Variants in EHMT2 observed in about 807,000 individuals in gnomAD.
EHMT2 encodes euchromatic histone lysine methyltransferase 2, also known as histone-lysine N-methyltransferase EHMT2.
EHMT2 carries 59 observed loss-of-function variants against 143.3 expected under a neutral mutation model. The ratio of observed to expected loss-of-function variants is 0.41; its 90% CI spans 0.33 to 0.51. The LOEUF (loss-of-function observed/expected upper bound fraction) is 0.51, where lower values mean the gene tolerates loss of function less well. Among genes scored for constraint, EHMT2 ranks in the 20% least tolerant of loss-of-function variants. The probability of loss-of-function intolerance (pLI) is 0.18; values close to 1 mark genes in which losing one functional copy is unlikely to be tolerated. For missense variants in EHMT2, 1,174 were observed against 1,645.9 expected (o/e 0.71, Z 4.96); for synonymous variants, 604 against 651.5 (o/e 0.93, Z 1.11).
rs1023382831 is a variant in EHMT2, at chr6:31,881,341, C to T, written c.3198-249G>A. On this transcript the variant is annotated intron_variant, in intron 25 of 27. Coordinates refer to ENST00000375537, the Ensembl canonical transcript of EHMT2. This position sits in a 1 kb window ranked among gnomAD's most constrained non-coding sequence, Gnocchi z 4.8. Reference sequence around the variant, plus strand: ...GGTTAAGGGGATTAATGTGTAGGGGCAGTTGGCCTGGGTGGGGAAGTTCGG... The same window carrying T: ...GGTTAAGGGGATTAATGTGTAGGGGTAGTTGGCCTGGGTGGGGAAGTTCGG... 14 of 585,274 alleles carry T rather than the reference C, an allele frequency of 2.4e-5. No homozygotes were observed. The highest frequency in any genetic ancestry group is 2.1e-4 in the African/African-American group (11 of 53,580). The allele number at this position is 585,274 out of a possible 1,614,324, so 36.3% of individuals were successfully genotyped here.
chr6:31,890,552 A>C (rs1375543499), intron 7 of EHMT2, among the ~76,000 whole-genome samples: 1 of 146,280 alleles, frequency 6.8e-6, no homozygotes, highest in Non-Finnish European at 1.5e-5. Flanking sequence ...CGCCTGGGCC[A>C]AAAAATTTTT....
chr6:31,888,848 C>T lies in EHMT2; in HGVS notation c.1217-101G>A. ...CCCTCCCTACCCCACCCCGCCATGC[C>T]CCAGAACCCCTAAAGCCTGGCCATG... On this transcript the variant is annotated intron_variant, in intron 10 of 27. Transcript: ENST00000375537. The surrounding 1 kb of genome is among the most constrained non-coding windows in gnomAD (Gnocchi z 7.4). 1.3e-6 allele frequency: 2 copies of T among 1,525,022 alleles called. No homozygotes were observed. The highest frequency in any genetic ancestry group is 1.8e-6 in the Non-Finnish European group (2 of 1,125,380). 94.5% of individuals were successfully genotyped at this position (1,525,022 alleles called of 1,614,324 possible).
chr6:31,888,729 G>C lies in EHMT2; in HGVS notation c.1235C>G (p.Ser412Cys). The C allele has an allele frequency of 1.2e-6, 2 of 1,613,422 alleles. No individual in the cohort carries two copies. Among genetic ancestry groups the C allele is most frequent in the Non-Finnish European group, 1.7e-6 (2 of 1,180,030 alleles). ...AAACCCTCGCTCTGTCTCCAGCGAA[G>C]ATGTGTCATTGGACACCCCTTGGAT... is the stretch of plus-strand genomic sequence containing the variant. The change falls in exon 11 of 28, where the codon TCT (serine) becomes TGT (cysteine). Residue 412 changes from serine to cysteine, a missense_variant. Coordinates refer to ENST00000375537, the Ensembl canonical transcript of EHMT2. This position sits in a 1 kb window ranked among gnomAD's most constrained non-coding sequence, Gnocchi z 7.4.
rs757988067 is a variant in EHMT2 at position 31,880,723 on chromosome 6, T to C, written c.3402A>G (p.Pro1134=). Residue 1134 remains proline, a synonymous_variant, in exon 27 of 28, where the codon CCA becomes CCG. Coordinates refer to ENST00000375537, the Ensembl canonical transcript of EHMT2. This position sits in a 1 kb window ranked among gnomAD's most constrained non-coding sequence, Gnocchi z 6.6. Reference sequence around the variant, plus strand: ...CTCGGGAACTGAAGAAGGCGATGCGTGGAAATCGCAGGTCTTGGTGCAGCA... The same window carrying C: ...CTCGGGAACTGAAGAAGGCGATGCGCGGAAATCGCAGGTCTTGGTGCAGCA... The C allele has an allele frequency of 1.2e-6, 2 of 1,613,718 alleles. No homozygotes were observed. The highest frequency in any genetic ancestry group is 2.2e-5 in the South Asian group (2 of 91,068).
rs1363591109 is a variant in EHMT2 at position 31,889,247 on chromosome 6, C to T, written c.1095G>A (p.Pro365=). The change falls in exon 9 of 28, where the codon CCG becomes CCA. Residue 365 remains proline, a synonymous_variant. Coordinates refer to ENST00000375537, the Ensembl canonical transcript of EHMT2. This position sits in a 1 kb window ranked among gnomAD's most constrained non-coding sequence, Gnocchi z 5.1. ...CCTCACCTCGTGGCTCCTTGGCCCG[C>T]GGAGGCTCCCGCTTGCGCCGTTTCC... 1.9e-6 allele frequency: 3 copies of T among 1,609,702 alleles called. No individual in the cohort carries two copies. The highest frequency in any genetic ancestry group is 1.1e-5 in the South Asian group (1 of 90,798).
In EHMT2 at chr6:31,880,983, A is replaced by T. The variant is rs1198631945; in HGVS notation, c.3276+31T>A. The T allele has an allele frequency of 3.1e-6, 5 of 1,609,588 alleles. No individual in the cohort carries two copies. Among genetic ancestry groups the T allele is most frequent in the Non-Finnish European group, 4.2e-6 (5 of 1,177,234 alleles). The stretch of plus-strand genomic sequence containing the variant: ...AGGCTCCTGAAAGCCAGCCCTGGGG[A>T]GCAGCAGGGTAAGGAGGGTCTCCTG... On this transcript the variant is annotated intron_variant, in intron 26 of 27. Transcript: ENST00000375537. This position sits in a 1 kb window ranked among gnomAD's most constrained non-coding sequence, Gnocchi z 6.6.
chr6:31,897,077 T>G, intron 1 of EHMT2, 88 bp from the exon 2 acceptor site: 3 of 1,486,198 alleles, frequency 2.0e-6, no homozygotes, highest in Non-Finnish European at 2.7e-6. Context: ...GAAGAGAGAG[T>G]AGGCTCCGGG....
chr6:31,887,213 G>A, intron 15 of EHMT2, 112 bp from the exon 16 acceptor site: 8 of 843,402 alleles, frequency 9.5e-6, no homozygotes, highest in Non-Finnish European at 1.5e-5. Flanking sequence ...CTGGATCAGG[G>A]CCCCTCCTGG....
At chr6:31,895,142 G>A (rs1407893724) in intron 4 of EHMT2, among the ~76,000 whole-genome samples, 3 of 152,184 alleles carry the variant, frequency 2.0e-5, no homozygotes, top group African/African-American at 7.2e-5. Context: ...AATTGATCAG[G>A]CTCAGCGAGA....
In EHMT2 at chr6:31,883,752, T is replaced by A; in HGVS notation, c.2916+54A>T. 1 of 1,591,424 alleles carries A rather than the reference T, an allele frequency of 6.3e-7. No homozygotes were observed. Among genetic ancestry groups the A allele is most frequent in the South Asian group, 1.1e-5 (1 of 90,442 alleles). The stretch of plus-strand genomic sequence containing the variant: ...TTTGCTGGTTTGAAGCTTGTCCAAC[T>A]GTACTTGGCAGCTCTCGGTGTCCTT... On this transcript the variant is annotated intron_variant, in intron 22 of 27. Transcript: ENST00000375537. This position sits in a 1 kb window ranked among gnomAD's most constrained non-coding sequence, Gnocchi z 5.6.
chr6:31,880,623 C>A lies in EHMT2; in HGVS notation c.3452+50G>T. 1 of 1,594,254 alleles carries A rather than the reference C, an allele frequency of 6.3e-7. No individual in the cohort carries two copies. The highest frequency in any genetic ancestry group is 1.1e-5 in the South Asian group (1 of 90,000). On this transcript the variant is annotated intron_variant, in intron 27 of 27. Coordinates refer to ENST00000375537, the Ensembl canonical transcript of EHMT2. This position sits in a 1 kb window ranked among gnomAD's most constrained non-coding sequence, Gnocchi z 6.6. ...TGCCAGCCTTCAGGTCCCAGGTTTG[C>A]TGCATCTCCCACCCCCTGGCAGAGC...
In EHMT2 at chr6:31,884,496, G is replaced by A. The variant is rs915028100; in HGVS notation, c.2667C>T (p.Asp889=). Residue 889 remains aspartate (D), a synonymous_variant, in exon 21 of 28, where the codon GAC becomes GAT. Transcript: ENST00000375537. The surrounding 1 kb of genome is among the most constrained non-coding windows in gnomAD (Gnocchi z 7.3). ...ACACGTCGGAGCGCTCGGGAGTCAG[G>A]TCCCATGCTGTGTCCCCCTCTTTGT... 6.2e-7 allele frequency: 1 copy of A among 1,612,968 alleles called. No homozygotes were observed. The highest frequency in any genetic ancestry group is 8.5e-7 in the Non-Finnish European group (1 of 1,180,016).
In EHMT2 at chr6:31,896,912, G is replaced by C; in HGVS notation, c.109+11C>G. 1 of 1,609,098 alleles carries C rather than the reference G, an allele frequency of 6.2e-7. No homozygotes were observed. The highest frequency in any genetic ancestry group is 8.5e-7 in the Non-Finnish European group (1 of 1,178,492). On this transcript the variant is annotated intron_variant, in intron 2 of 27. Coordinates refer to ENST00000375537, the Ensembl canonical transcript of EHMT2. Reference sequence around the variant, plus strand: ...GACGGTCCAATTGGGGCCCGTTTTAGCTGCACTCACCTCTCTCGGTGGCTC... The same window carrying C: ...GACGGTCCAATTGGGGCCCGTTTTACCTGCACTCACCTCTCTCGGTGGCTC...
intron 4 of EHMT2, chr6:31,895,863 C>T: frequency 5.5e-6 from 1 of 182,652 alleles, no homozygotes; most frequent in Non-Finnish European, 1.1e-5. Context: ...CTTCCCTCCT[C>T]TATTATTTCT....
rs547985022 is a variant in EHMT2, at chr6:31,888,130, G to C, written c.1656C>G (p.Asp552Glu). 2.5e-6 allele frequency: 4 copies of C among 1,612,376 alleles called. No individual in the cohort carries two copies. In the South Asian group the frequency reaches 4.4e-5, roughly 18 times the overall value. Residue 552 changes from aspartate to glutamate, a missense_variant, in exon 13 of 28, where the codon GAC becomes GAG. By Grantham distance (45) the Asp-to-Glu change is conservative. This residue lies in a region of EHMT2 where 608 missense variants were observed against 903.7 expected (regional missense o/e 0.67). Transcript: ENST00000375537. The surrounding 1 kb of genome is among the most constrained non-coding windows in gnomAD (Gnocchi z 7.4). ...CAGTGCCGGCCGGTGGGGTCACCCC[G>C]TCACCCCGGGGGATGGTCACCTCTT...
exon 28 of EHMT2, chr6:31,879,907 G>A: frequency 1.4e-6 from 1 of 730,888 alleles, no homozygotes; most frequent in South Asian, 1.9e-5. Context: ...CCAGCTCTGG[G>A]AGGGAGGGGC....
Position 31,888,084 on chromosome 6 carries a change from G to A in EHMT2, c.1702C>T (p.Leu568=). 6.2e-7 allele frequency: 1 copy of A among 1,607,392 alleles called. No individual in the cohort carries two copies. Among genetic ancestry groups the A allele is most frequent in the Admixed American group, 1.7e-5 (1 of 59,246 alleles). The change falls in exon 13 of 28, where the codon CTG becomes TTG. Residue 568 remains leucine (L), a synonymous_variant. Transcript: ENST00000375537. This position sits in a 1 kb window ranked among gnomAD's most constrained non-coding sequence, Gnocchi z 7.4. ...GCTCTCCCGGGGACATCCTGGGACA[G>A]GGGTGGGGGTGCAGGAGCTGCAGTG...
At chr6:31,887,433 G>A in intron 15 of EHMT2, 144 bp downstream of exon 15, 1 of 725,154 alleles carries the variant, frequency 1.4e-6, no homozygotes. Context: ...ATCGTTATGG[G>A]TTACATGTGT....
At chr6:31,885,293 C>T (rs1444012331) in intron 18 of EHMT2, 4 of 344,386 alleles carry the variant, frequency 1.2e-5, no homozygotes, top group African/African-American at 2.1e-5. Context: ...GTGGCCAACA[C>T]GGTGAAACCC....
Sources: allele counts gnomAD v4.1 joint callset (sites outside exome capture counted in the v4.1 genomes callset), GRCh38; gene constraint gnomAD v4.1.1; regional missense constraint gnomAD v4.1.1; non-coding constraint Gnocchi (gnomAD v3.1); transcripts MANE v1.5; gene names NCBI Gene and HGNC (gene_info 2026-07-23, HGNC 2026-07-21).